ENPP6: variants seen among roughly 807,000 people sequenced by gnomAD.
ENPP6 encodes the protein glycerophosphocholine cholinephosphodiesterase ENPP6.
A neutral mutation model predicts 42.0 loss-of-function variants in ENPP6; 32 were observed. The ratio of observed to expected loss-of-function variants is 0.76; its 90% CI spans 0.58 to 1.02. The LOEUF is 1.02. Among genes scored for constraint, ENPP6 ranks in the 50% least tolerant of loss-of-function variants. The pLI is 0.00. For missense variants in ENPP6, 552 were observed against 566.8 expected, an observed-to-expected ratio of 0.97 and a Z score of 0.27; for synonymous variants, 213 against 216.0, an observed-to-expected ratio of 0.99 and a Z score of 0.12.
At chr4:184,123,715 T>C (rs1198925027) in intron 3 of ENPP6, among the ~76,000 whole-genome samples, 1 of 152,112 alleles carries the variant, frequency 6.6e-6, no homozygotes, top group African/African-American at 2.4e-5. Flanking sequence ...AAAAAACAGA[T>C]TTTGTGTTCT....
At chr4:184,143,720 G>A (rs1480821241) in intron 2 of ENPP6, among the ~76,000 whole-genome samples, 1 of 152,244 alleles carries the variant, frequency 6.6e-6, no homozygotes, top group Non-Finnish European at 1.5e-5. Context: ...GGGGTCTGCA[G>A]AGAGGGGGAG....
At chr4:184,152,491 G>T (rs994759967) in intron 2 of ENPP6, among the ~76,000 whole-genome samples, 1 of 151,996 alleles carries the variant, frequency 6.6e-6, no homozygotes, top group Non-Finnish European at 1.5e-5. Context: ...TCTCCTACAG[G>T]CTGCTCTTCA....
At chr4:184,208,966 G>A (rs1197849117) in intron 1 of ENPP6, among the ~76,000 whole-genome samples, 1 of 141,670 alleles carries the variant, frequency 7.1e-6, no homozygotes, top group Non-Finnish European at 1.5e-5. Flanking sequence ...GCACCCCCCA[G>A]CAGGAGCACA....
At chr4:184,153,287 G>A (rs372055264) in intron 2 of ENPP6, among the ~76,000 whole-genome samples, 1 of 151,920 alleles carries the variant, frequency 6.6e-6, no homozygotes, top group South Asian at 2.1e-4. Flanking sequence ...CACCACCCCA[G>A]CTAATTTTGT....
intron 2 of ENPP6, among the ~76,000 whole-genome samples, chr4:184,128,508 G>A (rs529573440): frequency 6.6e-6 from 1 of 151,782 alleles, no homozygotes; most frequent in Admixed American, 6.6e-5. Flanking sequence ...AGAATGTCAA[G>A]ATGATGTAAG....
chr4:184,177,153 C>T (rs1737578253), intron 1 of ENPP6, among the ~76,000 whole-genome samples: 1 of 152,146 alleles, frequency 6.6e-6, no homozygotes, highest in Non-Finnish European at 1.5e-5. Flanking sequence ...TCACTGTAGC[C>T]CCAGTCTGCC....
rs73009794 is a variant in ENPP6, at chr4:184,214,268, A to G, written c.241+3311T>C. ...TAAAAAAAAAAAGAAAAAAGATTCAATGTTCCTGGCATTCAATTGTTTGAT... is the reference window on the plus strand; with the variant it reads ...TAAAAAAAAAAAGAAAAAAGATTCAGTGTTCCTGGCATTCAATTGTTTGAT... On this transcript the variant is annotated intron_variant, in intron 1 of 7. Coordinates refer to ENST00000296741, the MANE Select transcript of ENPP6 (RefSeq NM_153343.4). Among the ~76,000 whole-genome samples, 1,267 of 152,126 alleles carry G rather than the reference A, an allele frequency of 8.3e-3. 21 individuals are homozygous for G. Among genetic ancestry groups the G allele is most frequent in the African/African-American group, 0.029 (1,192 of 41,440 alleles).
chr4:184,130,723 CA>C (rs34766379), intron 2 of ENPP6, among the ~76,000 whole-genome samples: 102,120 of 150,800 alleles, frequency 0.68, 34,858 homozygotes, highest in African/African-American at 0.72. Context: ...TCCTAACTGA[CA>C]AGAGAGAGAG....
At chr4:184,102,611 G>C (rs982320421) in intron 6 of ENPP6, among the ~76,000 whole-genome samples, 13 of 152,150 alleles carry the variant, frequency 8.5e-5, no homozygotes, top group Admixed American at 2.0e-4. Context: ...GTCTCCTCCC[G>C]AGGTGGCTGG....
intron 1 of ENPP6, among the ~76,000 whole-genome samples, chr4:184,210,129 A>C (rs1027933379): frequency 4.0e-5 from 6 of 151,772 alleles, no homozygotes; most frequent in Admixed American, 6.5e-5. Flanking sequence ...CCGCTGCAAA[A>C]TCATGCCAAA....
chr4:184,136,397 A>T (rs1378271876), intron 2 of ENPP6, among the ~76,000 whole-genome samples: 1 of 152,012 alleles, frequency 6.6e-6, no homozygotes, highest in Non-Finnish European at 1.5e-5. Flanking sequence ...ATTATTATTT[A>T]TTTAAATTTA....
intron 6 of ENPP6, among the ~76,000 whole-genome samples, chr4:184,105,861 C>T (rs1736080596): frequency 6.6e-6 from 1 of 152,126 alleles, no homozygotes. Flanking sequence ...ATCACATTGA[C>T]AGTCTGTTTA....
chr4:184,208,555 G>A (rs1264158244), intron 1 of ENPP6, among the ~76,000 whole-genome samples: 4 of 152,168 alleles, frequency 2.6e-5, no homozygotes, highest in Middle Eastern at 3.4e-3. Flanking sequence ...GGCGGACCAC[G>A]AGATTATAAC....
intron 1 of ENPP6, among the ~76,000 whole-genome samples, chr4:184,164,840 A>G (rs1318328794): frequency 1.3e-5 from 2 of 152,208 alleles, no homozygotes; most frequent in Non-Finnish European, 2.9e-5. Context: ...TTACACCACC[A>G]GGTATACTGG....
chr4:184,208,146 T>C (rs898817305), intron 1 of ENPP6, among the ~76,000 whole-genome samples: 1 of 152,042 alleles, frequency 6.6e-6, no homozygotes, highest in Non-Finnish European at 1.5e-5. Flanking sequence ...TTTAGAATAT[T>C]AGTGGGCACC....
chr4:184,186,731 A>G (rs1732639025), intron 1 of ENPP6, among the ~76,000 whole-genome samples: 1 of 152,108 alleles, frequency 6.6e-6, no homozygotes, highest in Admixed American at 6.5e-5. Flanking sequence ...AGAGGATGAC[A>G]TCAGTAGTGG....
At chr4:184,151,273 G>C (rs565501330) in intron 2 of ENPP6, among the ~76,000 whole-genome samples, 1 of 152,254 alleles carries the variant, frequency 6.6e-6, no homozygotes, top group Non-Finnish European at 1.5e-5. Context: ...GGGAGGCAGA[G>C]GTTACAGTGA....
chr4:184,140,292 A>G (rs1360698682), intron 2 of ENPP6, among the ~76,000 whole-genome samples: 1 of 151,334 alleles, frequency 6.6e-6, no homozygotes, highest in Middle Eastern at 3.2e-3. Flanking sequence ...AAGAATCAAT[A>G]TCGTGAAAAT....
At chr4:184,163,661 T>C (rs548200280) in intron 1 of ENPP6, among the ~76,000 whole-genome samples, 1 of 152,372 alleles carries the variant, frequency 6.6e-6, no homozygotes, top group Admixed American at 6.5e-5. Context: ...AATTCCTCAA[T>C]TGCATGAACG....
Sources: gnomAD v4.1 joint callset for allele counts (sites outside exome capture counted in the v4.1 genomes callset) on GRCh38, gnomAD v4.1.1 for gene constraint, MANE v1.5 for transcripts, NCBI Gene and HGNC (gene_info 2026-07-23, HGNC 2026-07-21) for gene names.